The following CADPS2 variants were observed in gnomAD, a reference collection of about 807,000 sequenced individuals.
CADPS2 encodes the protein calcium-dependent secretion activator 2.
Under a neutral mutation model 172.5 loss-of-function variants are expected in CADPS2, and 93 were observed. That is an observed-to-expected ratio of 0.54 (90% CI 0.46 to 0.64). CADPS2 has a LOEUF of 0.64. Ranked by LOEUF, CADPS2 falls within the 30% of genes least tolerant of loss-of-function variation. The pLI is 0.00. For missense variants in CADPS2, 1,420 were observed against 1,565.9 expected (o/e 0.91, Z 1.57); for synonymous variants, 546 against 555.2 (o/e 0.98, Z 0.23).
chr7:122,367,743 A>G (rs1367952092), intron 25 of CADPS2, among the ~76,000 whole-genome samples: 3 of 131,378 alleles, frequency 2.3e-5, no homozygotes, highest in Non-Finnish European at 4.8e-5. Flanking sequence ...TTTTTTGCTT[A>G]AAACAATAAA....
intron 13 of CADPS2, among the ~76,000 whole-genome samples, chr7:122,473,839 CCTTTT>C (rs2056288119): frequency 6.6e-6 from 1 of 152,180 alleles, no homozygotes; most frequent in Non-Finnish European, 1.5e-5. Context: ...TCACTCCTTT[CCTTTT>C]GTCAAGGAAT....
intron 2 of CADPS2, among the ~76,000 whole-genome samples, chr7:122,719,586 G>A (rs2090121790): frequency 6.6e-6 from 1 of 152,096 alleles, no homozygotes; most frequent in Non-Finnish European, 1.5e-5. Flanking sequence ...TTTTATTCTT[G>A]AAGGTTCTTC....
At chr7:122,786,155 A>C (rs1421077986) in intron 1 of CADPS2, among the ~76,000 whole-genome samples, 3 of 152,082 alleles carry the variant, frequency 2.0e-5, no homozygotes, top group Non-Finnish European at 1.5e-5. Context: ...ACGGACTTTT[A>C]TTTTCTTATT....
intron 12 of CADPS2, among the ~76,000 whole-genome samples, chr7:122,478,271 A>G (rs1467431776): frequency 6.6e-6 from 1 of 152,248 alleles, no homozygotes; most frequent in Non-Finnish European, 1.5e-5. Flanking sequence ...CTGATAATGG[A>G]AAATTTTAGT....
chr7:122,497,319 G>A (rs1030888350), intron 9 of CADPS2, among the ~76,000 whole-genome samples: 2 of 152,120 alleles, frequency 1.3e-5, no homozygotes, highest in Non-Finnish European at 2.9e-5. Flanking sequence ...TGTACATGCT[G>A]ATATATTTGG....
chr7:122,640,933 C>A (rs1588057201), intron 3 of CADPS2, among the ~76,000 whole-genome samples: 6 of 129,698 alleles, frequency 4.6e-5, no homozygotes, highest in African/African-American at 8.6e-5. Context: ...GACTCTATCT[C>A]AAAAAAAAAA....
chr7:122,660,952 A>G (rs1394894167), intron 3 of CADPS2, among the ~76,000 whole-genome samples: 1 of 152,136 alleles, frequency 6.6e-6, no homozygotes, highest in Non-Finnish European at 1.5e-5. Flanking sequence ...CACACTGTCT[A>G]CAAAACATCC....
At chr7:122,366,685 G>A (rs56330633) in intron 25 of CADPS2, 45 of 126,680 alleles carry the variant, frequency 3.6e-4, no homozygotes, top group South Asian at 5.0e-4. Context: ...ATATATATAC[G>A]TATATATATA....
At chr7:122,603,872 T>C (rs2073132194) in intron 6 of CADPS2, among the ~76,000 whole-genome samples, 1 of 152,060 alleles carries the variant, frequency 6.6e-6, no homozygotes, top group Non-Finnish European at 1.5e-5. Context: ...AGTAGGACAG[T>C]GGTTGCCAGA....
chr7:122,583,656 TGAA>T (rs1430174357), intron 6 of CADPS2, among the ~76,000 whole-genome samples: 1 of 150,952 alleles, frequency 6.6e-6, no homozygotes, highest in African/African-American at 2.4e-5. Flanking sequence ...CAATTATATA[TGAA>T]GGAGATATTG....
intron 1 of CADPS2, among the ~76,000 whole-genome samples, chr7:122,761,891 C>T (rs1052972055): frequency 2.7e-5 from 4 of 147,662 alleles, no homozygotes; most frequent in East Asian, 2.0e-4. Flanking sequence ...CTAGCTACTA[C>T]GGAAGCTTGG....
At chr7:122,877,839 A>G (rs1356398892) in intron 1 of CADPS2, among the ~76,000 whole-genome samples, 1 of 152,164 alleles carries the variant, frequency 6.6e-6, no homozygotes, top group East Asian at 1.9e-4. Flanking sequence ...GTCACAACAG[A>G]AATCCTATGA....
intron 1 of CADPS2, among the ~76,000 whole-genome samples, chr7:122,841,093 G>A (rs1022434640): frequency 6.6e-6 from 1 of 152,154 alleles, no homozygotes; most frequent in African/African-American, 2.4e-5. Flanking sequence ...GTTTCCTTAT[G>A]AAATAGGTAA....
At chr7:122,436,169 T>C (rs1563333003) in intron 17 of CADPS2, among the ~76,000 whole-genome samples, 1 of 152,134 alleles carries the variant, frequency 6.6e-6, no homozygotes, top group South Asian at 2.1e-4. Context: ...GAGGAAACTT[T>C]CGTAGGTGAT....
In CADPS2 at chr7:122,554,580, A is replaced by G. The variant is rs1307238790; in HGVS notation, c.1445T>C (p.Met482Thr). 1 of 1,611,236 alleles carries G rather than the reference A, an allele frequency of 6.2e-7. No individual in the cohort carries two copies. Among genetic ancestry groups the G allele is most frequent in the Non-Finnish European group, 8.5e-7 (1 of 1,178,564 alleles). ...ATGCTTCATATGTGCTGGTTTATCC[A>G]TTCGCACTGCCAGTTTGATTTTTAA... Reference protein sequence around the residue: ...SDLKIKLAVRMDKPAHMKHSG... With the variant: ...SDLKIKLAVRTDKPAHMKHSG... The change falls in exon 8 of 30, where the codon ATG becomes ACG. Residue 482 changes from methionine to threonine, a missense_variant. Coordinates refer to ENST00000449022, the MANE Select transcript of CADPS2 (RefSeq NM_017954.11).
At chr7:122,702,100 C>T in intron 2 of CADPS2, 1 of 1,613,582 alleles carries the variant, frequency 6.2e-7, no homozygotes, top group Non-Finnish European at 8.5e-7. Context: ...AAGAATTGGG[C>T]ACTCTAGGTG....
At chr7:122,399,709 C>G (rs1199839236) in intron 20 of CADPS2, among the ~76,000 whole-genome samples, 2 of 68,730 alleles carry the variant, frequency 2.9e-5, no homozygotes, top group South Asian at 4.9e-4. Context: ...TTTTTTGAGA[C>G]GGAGTCTCGC....
chr7:122,849,915 C>A, intron 1 of CADPS2: 1 of 562,824 alleles, frequency 1.8e-6, no homozygotes, highest in Non-Finnish European at 3.4e-6. Context: ...ACCATGGCAT[C>A]AGCTCTGGCC....
intron 17 of CADPS2, among the ~76,000 whole-genome samples, chr7:122,433,207 C>T (rs536950077): frequency 1.3e-5 from 2 of 151,970 alleles, no homozygotes; most frequent in East Asian, 3.9e-4. Context: ...TCTTGAACTC[C>T]TGGGTTCAAG....
Sources: gnomAD v4.1 joint callset for allele counts (sites outside exome capture counted in the v4.1 genomes callset) on GRCh38, gnomAD v4.1.1 for gene constraint, MANE v1.5 for transcripts, NCBI Gene and HGNC (gene_info 2026-07-23, HGNC 2026-07-21) for gene names.